The following ZNF407 variants were observed in gnomAD, a reference collection of about 807,000 sequenced individuals.
The protein encoded by ZNF407 is zinc finger protein 407.
A neutral mutation model predicts 131.2 loss-of-function variants in ZNF407; 17 were observed. The observed-to-expected ratio is 0.13, with a 90% CI of 0.09 to 0.19. ZNF407 has a LOEUF of 0.19. Among genes scored for constraint, ZNF407 ranks in the 10% least tolerant of loss-of-function variants. ZNF407 has a pLI of 1.00. For missense variants in ZNF407, 2,681 were observed against 2,830.6 expected (o/e 0.95, Z 1.20); for synonymous variants, 1,156 against 1,062.0 (o/e 1.09, Z -1.72).
In ZNF407 at chr18:74,819,495, TG is replaced by T. The variant is rs528099948; in HGVS notation, c.4877+37996del. Among the ~76,000 whole-genome samples, 234 of 152,338 alleles carry T rather than the reference TG, an allele frequency of 1.5e-3. 2 individuals are homozygous for T. Among genetic ancestry groups the T allele is most frequent in the Middle Eastern group, 0.014 (4 of 294 alleles). On this transcript the variant is annotated intron_variant, in intron 4 of 8. Transcript: ENST00000299687. ...TACATGATCACCCCAATGTCTTCCTTGGGCACTGAATTTCTAATGGGCTTTC... is the reference window on the plus strand; with the variant it reads ...TACATGATCACCCCAATGTCTTCCTTGGCACTGAATTTCTAATGGGCTTTC...
intron 4 of ZNF407, among the ~76,000 whole-genome samples, chr18:74,869,653 G>A (rs56313389): frequency 6.6e-6 from 1 of 152,224 alleles, no homozygotes; most frequent in African/African-American, 2.4e-5. Context: ...GGGCAGAAGT[G>A]GGGGGATTTG....
At chr18:74,618,502 A>G (rs1486741818) in intron 1 of ZNF407, among the ~76,000 whole-genome samples, 3 of 152,120 alleles carry the variant, frequency 2.0e-5, no homozygotes, top group Non-Finnish European at 4.4e-5. Flanking sequence ...TCACCTTCTG[A>G]TGTTCATTTG....
At chr18:74,698,033 T>G (rs1967399350) in intron 3 of ZNF407, among the ~76,000 whole-genome samples, 1 of 152,238 alleles carries the variant, frequency 6.6e-6, no homozygotes. Flanking sequence ...CATATTTGAT[T>G]ACATTTATTC....
At chr18:74,676,331 A>G (rs1317394845) in intron 3 of ZNF407, among the ~76,000 whole-genome samples, 1 of 152,056 alleles carries the variant, frequency 6.6e-6, no homozygotes, top group Non-Finnish European at 1.5e-5. Context: ...AGCTCAGGCA[A>G]TCCGCCTGCC....
At chr18:74,602,861 G>A (rs1468357810) in intron 1 of ZNF407, among the ~76,000 whole-genome samples, 1 of 152,124 alleles carries the variant, frequency 6.6e-6, no homozygotes, top group East Asian at 1.9e-4. Context: ...TAAACACATT[G>A]CCCTGGTCCT....
intron 8 of ZNF407, among the ~76,000 whole-genome samples, chr18:75,013,275 T>C (rs1973004300): frequency 6.6e-6 from 1 of 152,128 alleles, no homozygotes; most frequent in Non-Finnish European, 1.5e-5. Flanking sequence ...AAACTCGTTT[T>C]TCTCTTTCTT....
At chr18:74,780,926 C>A (rs1443565886) in intron 3 of ZNF407, among the ~76,000 whole-genome samples, 2 of 151,970 alleles carry the variant, frequency 1.3e-5, no homozygotes, top group Admixed American at 6.6e-5. Flanking sequence ...ATTTTTTGTG[C>A]TATAGATACA....
At chr18:74,805,524 T>G (rs1970095896) in intron 4 of ZNF407, among the ~76,000 whole-genome samples, 1 of 152,234 alleles carries the variant, frequency 6.6e-6, no homozygotes, top group Non-Finnish European at 1.5e-5. Context: ...ATTATCTGAT[T>G]TTTTGATTCC....
intron 8 of ZNF407, among the ~76,000 whole-genome samples, chr18:74,953,816 A>T (rs544521354): frequency 8.1e-4 from 123 of 152,250 alleles, no homozygotes; most frequent in African/African-American, 2.8e-3. Flanking sequence ...TAGACGGGAA[A>T]TTTGTTTTTG....
At chr18:74,965,537 C>T (rs957709278) in intron 8 of ZNF407, among the ~76,000 whole-genome samples, 1 of 152,150 alleles carries the variant, frequency 6.6e-6, no homozygotes, top group South Asian at 2.1e-4. Context: ...ATATCTACTG[C>T]ATTTTCTTTA....
intron 6 of ZNF407, among the ~76,000 whole-genome samples, chr18:74,888,235 A>ATT (rs1294244672): frequency 6.6e-6 from 1 of 151,054 alleles, no homozygotes; most frequent in African/African-American, 2.4e-5. Context: ...ATTACTATAC[A>ATT]TTTTTTTTTG....
chr18:75,017,156 G>T (rs1001082201), intron 8 of ZNF407, among the ~76,000 whole-genome samples: 2 of 152,086 alleles, frequency 1.3e-5, no homozygotes, highest in African/African-American at 4.8e-5. Flanking sequence ...AAAATTACAT[G>T]TAGGAAATTT....
chr18:74,660,392 A>G (rs1317312698), intron 3 of ZNF407, among the ~76,000 whole-genome samples: 2 of 152,124 alleles, frequency 1.3e-5, no homozygotes, highest in Non-Finnish European at 2.9e-5. Flanking sequence ...TTCTTCATCC[A>G]TCTAGATCAG....
At chr18:74,685,262 G>A (rs1967070190) in intron 3 of ZNF407, among the ~76,000 whole-genome samples, 1 of 152,112 alleles carries the variant, frequency 6.6e-6, no homozygotes, top group Non-Finnish European at 1.5e-5. Context: ...GAGGAATTCA[G>A]AATTGATATA....
At chr18:74,764,299 G>T (rs1035306914) in intron 3 of ZNF407, among the ~76,000 whole-genome samples, 1 of 151,922 alleles carries the variant, frequency 6.6e-6, no homozygotes, top group African/African-American at 2.4e-5. Context: ...TGCTTTTTTT[G>T]TGTGTGTTTT....
chr18:74,957,320 C>T (rs911082659), intron 8 of ZNF407, among the ~76,000 whole-genome samples: 3 of 152,156 alleles, frequency 2.0e-5, no homozygotes, highest in Non-Finnish European at 2.9e-5. Flanking sequence ...GAGTCAGTCC[C>T]GTCGCCCTTT....
intron 3 of ZNF407, among the ~76,000 whole-genome samples, chr18:74,666,577 AG>A (rs974542923): frequency 2.6e-5 from 4 of 152,166 alleles, no homozygotes; most frequent in African/African-American, 9.7e-5. Context: ...AGTTCAGAAT[AG>A]GCACACAGGA....
At chr18:75,060,811 C>A (rs1456619106) in intron 8 of ZNF407, among the ~76,000 whole-genome samples, 1 of 152,214 alleles carries the variant, frequency 6.6e-6, no homozygotes, top group Non-Finnish European at 1.5e-5. Context: ...GGCCGCAGCT[C>A]TTTTCTTGAC....
chr18:74,641,084 G>A lies in ZNF407; in HGVS notation c.4764G>A (p.Arg1588=), dbSNP rs765538100. The part of the protein sequence containing the change: ...QLGDARNHVK[R]HLGMREYKCH... ...GAGATGCCAGAAACCATGTGAAAAGGCACCTTGGGATGAGGGAATACAAGT... is the reference window on the plus strand; with the variant it reads ...GAGATGCCAGAAACCATGTGAAAAGACACCTTGGGATGAGGGAATACAAGT... The change falls in exon 3 of 9, where the codon AGG becomes AGA. Residue 1588 remains arginine (R), a synonymous_variant. Transcript: ENST00000299687. The A allele has an allele frequency of 6.2e-7, 1 of 1,613,348 alleles. No homozygotes were observed. The highest frequency in any genetic ancestry group is 1.7e-5 in the Admixed American group (1 of 60,004).
Sources: gnomAD v4.1 joint callset for allele counts (sites outside exome capture counted in the v4.1 genomes callset) on GRCh38, gnomAD v4.1.1 for gene constraint, MANE v1.5 for transcripts, NCBI Gene and HGNC (gene_info 2026-07-23, HGNC 2026-07-21) for gene names.